DPYD: variants seen among roughly 807,000 people sequenced by gnomAD.
The protein encoded by DPYD is dihydropyrimidine dehydrogenase [NADP(+)].
Under a neutral mutation model 116.2 loss-of-function variants are expected in DPYD, and 109 were observed. The observed-to-expected ratio is 0.94, with a 90% CI of 0.80 to 1.10. DPYD has a LOEUF of 1.10. Ranked by LOEUF, DPYD falls within the 50% of genes least tolerant of loss-of-function variation. The pLI is 0.00. For synonymous variants in DPYD, 440 were observed against 432.0 expected (o/e 1.02, Z -0.23); for missense variants, 1,302 against 1,254.5 (o/e 1.04, Z -0.57).
chr1:97,346,358 T>C (rs2101278804), intron 16 of DPYD, among the ~76,000 whole-genome samples: 1 of 151,986 alleles, frequency 6.6e-6, no homozygotes. Flanking sequence ...TTTTAGTTTT[T>C]ATATTGAGTT....
chr1:97,417,715 G>T (rs1674360887), intron 14 of DPYD, among the ~76,000 whole-genome samples: 1 of 152,074 alleles, frequency 6.6e-6, no homozygotes, highest in South Asian at 2.1e-4. Context: ...AAACTACCTA[G>T]AACATTGAGT....
chr1:97,191,531 G>A (rs929353677), intron 20 of DPYD, among the ~76,000 whole-genome samples: 1 of 152,062 alleles, frequency 6.6e-6, no homozygotes, highest in Non-Finnish European at 1.5e-5. Flanking sequence ...TCTGAATCTT[G>A]ATTCAAACTA....
intron 18 of DPYD, chr1:97,295,665 A>C: frequency 1.6e-6 from 1 of 642,400 alleles, no homozygotes; most frequent in Non-Finnish European, 1.9e-6. Context: ...TCCTGGGCTC[A>C]AGCAATCTGC....
chr1:97,253,219 TA>T (rs1663224189), intron 18 of DPYD, among the ~76,000 whole-genome samples: 1 of 152,162 alleles, frequency 6.6e-6, no homozygotes, highest in Non-Finnish European at 1.5e-5. Context: ...AGCACTGTAA[TA>T]ATCCTACAAG....
chr1:97,316,867 T>G (rs1478097533), intron 16 of DPYD, among the ~76,000 whole-genome samples: 4 of 151,882 alleles, frequency 2.6e-5, no homozygotes, highest in Non-Finnish European at 5.9e-5. Context: ...CATTCCTTTC[T>G]GCCTTATAAT....
In DPYD at chr1:97,832,626, T is replaced by C. The variant is rs114766262; in HGVS notation, c.151-4430A>G. Among the ~76,000 whole-genome samples, 707 of 152,122 alleles carry C rather than the reference T, an allele frequency of 4.6e-3. 6 individuals are homozygous for C. The highest frequency in any genetic ancestry group is 0.016 in the African/African-American group (683 of 41,488). On this transcript the variant is annotated intron_variant, in intron 2 of 22. Coordinates refer to ENST00000370192, the MANE Select transcript of DPYD (RefSeq NM_000110.4). ...CCACCGTGACAAATATAATGAGCAATTAAATTCCCAAGTGTTCAGATTTTG... is the reference window on the plus strand; with the variant it reads ...CCACCGTGACAAATATAATGAGCAACTAAATTCCCAAGTGTTCAGATTTTG...
rs146183106 is a variant in DPYD, at chr1:97,822,558, G to A, written c.233+5556C>T. On this transcript the variant is annotated intron_variant, in intron 3 of 22. Transcript: ENST00000370192. ...CATTCATATTATGCATAATTTCTAT[G>A]GCTTCTGCATAATATATTCCTAGAA... 2.3e-3 allele frequency among the ~76,000 whole-genome samples: 353 copies of A among 151,708 alleles called. 2 individuals are homozygous for A. The highest frequency in any genetic ancestry group is 8.2e-3 in the African/African-American group (341 of 41,390).
At chr1:97,274,623 C>T (rs1664820436) in intron 18 of DPYD, among the ~76,000 whole-genome samples, 1 of 152,150 alleles carries the variant, frequency 6.6e-6, no homozygotes, top group Admixed American at 6.6e-5. Context: ...TACAAATACT[C>T]ATTCATGATG....
intron 3 of DPYD, among the ~76,000 whole-genome samples, chr1:97,778,403 A>G (rs1666545540): frequency 6.6e-6 from 1 of 152,134 alleles, no homozygotes. Context: ...AAAAAAATCC[A>G]GAGCCCAAGT....
In DPYD at chr1:97,496,143, T is replaced by C. The variant is rs188749038; in HGVS notation, c.1740+19583A>G. 2.9e-3 allele frequency among the ~76,000 whole-genome samples: 439 copies of C among 152,202 alleles called. 3 individuals are homozygous for C. Among genetic ancestry groups the C allele is most frequent in the Admixed American group, 6.7e-3 (102 of 15,248 alleles). ...ACCAGAGTTTTTCCTAACTTCTCTC[T>C]TCCCATATCTAGCCTCATGCAATCA... On this transcript the variant is annotated intron_variant, in intron 13 of 22. Coordinates refer to ENST00000370192, the MANE Select transcript of DPYD (RefSeq NM_000110.4).
At chr1:97,509,184 A>G (rs1021988621) in intron 13 of DPYD, among the ~76,000 whole-genome samples, 1 of 152,038 alleles carries the variant, frequency 6.6e-6, no homozygotes, top group Non-Finnish European at 1.5e-5. Context: ...CAAGAGCAGA[A>G]AACGTGTTGC....
intron 1 of DPYD, among the ~76,000 whole-genome samples, chr1:97,904,432 A>C (rs1057276744): frequency 1.3e-5 from 2 of 151,938 alleles, no homozygotes; most frequent in African/African-American, 4.8e-5. Flanking sequence ...GAAACACAGG[A>C]GAGTTCTCTG....
At chr1:97,228,464 A>G (rs1196417322) in intron 19 of DPYD, among the ~76,000 whole-genome samples, 1 of 152,184 alleles carries the variant, frequency 6.6e-6, no homozygotes, top group Non-Finnish European at 1.5e-5. Flanking sequence ...ACTTAATTAC[A>G]TAAGATTTTG....
chr1:97,577,975 A>G (rs1337970648), intron 10 of DPYD, among the ~76,000 whole-genome samples: 1 of 151,918 alleles, frequency 6.6e-6, no homozygotes, highest in Non-Finnish European at 1.5e-5. Flanking sequence ...CCTTCCAAGT[A>G]GCTGAAATTA....
chr1:97,534,948 G>A (rs1038243553), intron 12 of DPYD, among the ~76,000 whole-genome samples: 12 of 152,078 alleles, frequency 7.9e-5, no homozygotes, highest in African/African-American at 2.9e-4. Context: ...GAATGAAAAT[G>A]ATGAGGTTCA....
intron 5 of DPYD, among the ~76,000 whole-genome samples, chr1:97,704,946 G>C (rs79585767): frequency 6.6e-6 from 1 of 152,016 alleles, no homozygotes; most frequent in East Asian, 1.9e-4. Flanking sequence ...ACAATAATAA[G>C]GTGGCCAATA....
intron 12 of DPYD, among the ~76,000 whole-genome samples, chr1:97,536,874 T>C (rs943696458): frequency 6.6e-6 from 1 of 152,208 alleles, no homozygotes; most frequent in Non-Finnish European, 1.5e-5. Flanking sequence ...CTGGTGAGAC[T>C]GTAAGGTCGA....
At chr1:97,376,885 GTGTA>G (rs1671654810) in intron 15 of DPYD, among the ~76,000 whole-genome samples, 2 of 104,980 alleles carry the variant, frequency 1.9e-5, no homozygotes, top group South Asian at 8.3e-4. Context: ...GTGTGTGTGT[GTGTA>G]TATATATATA....
chr1:97,700,091 A>T (rs1661513586), intron 5 of DPYD: 1 of 371,252 alleles, frequency 2.7e-6, no homozygotes, highest in Admixed American at 3.7e-5. Context: ...AGAACTACTG[A>T]CGCAGGCATC....
Sources: allele counts gnomAD v4.1 joint callset (sites outside exome capture counted in the v4.1 genomes callset), GRCh38; gene constraint gnomAD v4.1.1; transcripts MANE v1.5; gene names NCBI Gene and HGNC (gene_info 2026-07-23, HGNC 2026-07-21).